RBL1: variants seen among roughly 807,000 people sequenced by gnomAD.
RBL1 encodes retinoblastoma-like protein 1.
A neutral mutation model predicts 123.0 loss-of-function variants in RBL1; 82 were observed. The ratio of observed to expected loss-of-function variants is 0.67; its 90% confidence interval spans 0.56 to 0.80. The LOEUF is 0.80. RBL1 is among the 30% of genes least tolerant of loss of function. The pLI is 0.00. For synonymous variants in RBL1, 405 were observed against 441.3 expected (o/e 0.92, Z 1.03); for missense variants, 1,171 against 1,299.6 (o/e 0.90, Z 1.52).
chr20:37,059,390 G>A (rs1164157949), intron 9 of RBL1, among the ~76,000 whole-genome samples: 2 of 152,098 alleles, frequency 1.3e-5, no homozygotes, highest in African/African-American at 4.8e-5. Flanking sequence ...CCTATTCTAG[G>A]GTTCACTATT....
At chr20:37,002,336 G>GTT (rs965408801) in intron 21 of RBL1, among the ~76,000 whole-genome samples, 1,576 of 76,262 alleles carry the variant, frequency 0.021, 41 homozygotes, top group Non-Finnish European at 0.025. Flanking sequence ...AGCCTTATCT[G>GTT]TTTTTTTTTT....
At chr20:37,075,084 CA>C (rs1266565650) in intron 2 of RBL1, among the ~76,000 whole-genome samples, 6 of 152,128 alleles carry the variant, frequency 3.9e-5, no homozygotes, top group Non-Finnish European at 7.3e-5. Flanking sequence ...ACCTTGACAC[CA>C]TTATCCTAAA....
At chr20:37,002,239 C>T (rs2063996842) in intron 21 of RBL1, among the ~76,000 whole-genome samples, 2 of 151,690 alleles carry the variant, frequency 1.3e-5, no homozygotes, top group Non-Finnish European at 2.9e-5. Flanking sequence ...CCATGTTGGC[C>T]AGGCTGGTCT....
At chr20:37,053,453 A>G (rs1243549044) in intron 11 of RBL1, among the ~76,000 whole-genome samples, 1 of 152,130 alleles carries the variant, frequency 6.6e-6, no homozygotes, top group Non-Finnish European at 1.5e-5. Context: ...TGTGTGTCCT[A>G]TGATGAAATG....
rs771287452 is a variant in RBL1 at position 37,008,832 on chromosome 20, C to T, written c.2723-1273G>A. Among the ~76,000 whole-genome samples the T allele has an allele frequency of 2.5e-4, 34 of 137,020 alleles. 1 individual carries two copies. The highest frequency in any genetic ancestry group is 6.7e-4 in the Admixed American group (9 of 13,508). 89.9% of individuals were successfully genotyped at this position (137,020 alleles called of 152,430 possible). A position where few individuals can be genotyped will look rare whatever the true frequency, so the allele number is the denominator to read the frequency against. ...TTCTGCTATTTCTAAAGGATCTTGACGAGGGTGGGAGGGGAGGGGAGCTAT... is the reference window on the plus strand; with the variant it reads ...TTCTGCTATTTCTAAAGGATCTTGATGAGGGTGGGAGGGGAGGGGAGCTAT... On this transcript the variant is annotated intron_variant, in intron 19 of 21. Coordinates refer to ENST00000373664, the MANE Select transcript of RBL1 (RefSeq NM_002895.5).
In RBL1 at chr20:37,083,479, A is replaced by C. The variant is rs558395068; in HGVS notation, c.290+5510T>G. On this transcript the variant is annotated intron_variant, in intron 2 of 21. Transcript: ENST00000373664. ...GTGAGACCCTGTCTCAAAAAACACA[A>C]ACAAAAAATAAAAAAGATAAAAACA... is the stretch of plus-strand genomic sequence containing the variant. 3.3e-4 allele frequency among the ~76,000 whole-genome samples: 46 copies of C among 141,072 alleles called. 1 individual carries two copies. In the South Asian group the frequency reaches 9.9e-3, roughly 30 times the overall value. 92.5% of individuals were successfully genotyped at this position (141,072 alleles called of 152,430 possible).
chr20:37,090,049 C>A, intron 1 of RBL1, among the ~76,000 whole-genome samples: 1 of 152,092 alleles, frequency 6.6e-6, no homozygotes, highest in African/African-American at 2.4e-5. Flanking sequence ...GACACTCTGT[C>A]ACACACACAA....
chr20:37,049,362 C>T (rs2064868271), intron 11 of RBL1: 1 of 705,406 alleles, frequency 1.4e-6, no homozygotes, highest in Non-Finnish European at 2.6e-6. Flanking sequence ...GGAAGGAATT[C>T]CTCCTGATCG....
chr20:37,066,914 G>GA (rs765085894), intron 5 of RBL1, 30 bp from the exon 6 acceptor site: 400 of 1,566,604 alleles, frequency 2.6e-4, no homozygotes, highest in Admixed American at 5.6e-4. Context: ...AGGGCAGAGG[G>GA]AAAAAAAAAT....
intron 16 of RBL1, among the ~76,000 whole-genome samples, chr20:37,032,308 C>A (rs2064525815): frequency 6.6e-6 from 1 of 151,910 alleles, no homozygotes; most frequent in Admixed American, 6.6e-5. Context: ...TTACGCTAAG[C>A]CAGTCACAAA....
In RBL1 at chr20:37,009,504, C is replaced by T. The variant is rs1015884731; in HGVS notation, c.2723-1945G>A. On this transcript the variant is annotated intron_variant, in intron 19 of 21. Coordinates refer to ENST00000373664, the MANE Select transcript of RBL1 (RefSeq NM_002895.5). ...TCCCGAGTAGCTGGGACTACAGGTG[C>T]ACGCTGCCACACCGAGCTAATTTTT... Among the ~76,000 whole-genome samples the T allele has an allele frequency of 2.6e-4, 40 of 152,120 alleles. 1 individual carries two copies. The highest frequency in any genetic ancestry group is 2.6e-3 in the Admixed American group (39 of 15,262).
At position 37,051,884 on chromosome 20, in the gene RBL1, A is replaced by C. The variant is rs6031018; in HGVS notation, c.1467+3669T>G. Among the ~76,000 whole-genome samples, 822 of 152,080 alleles carry C rather than the reference A, an allele frequency of 5.4e-3. 8 individuals are homozygous for C. Among genetic ancestry groups the C allele is most frequent in the African/African-American group, 0.019 (779 of 41,532 alleles). ...ACTACACACTGACTATAAGAAATTC[A>C]CTTCAAAGGTCACTTGAAAAAGGAT... On this transcript the variant is annotated intron_variant, in intron 11 of 21. Coordinates refer to ENST00000373664, the MANE Select transcript of RBL1 (RefSeq NM_002895.5).
intron 2 of RBL1, among the ~76,000 whole-genome samples, chr20:37,069,746 TG>T (rs546226164): frequency 0.03 from 4,362 of 143,102 alleles, 212 homozygotes; most frequent in African/African-American, 0.09. Context: ...GGGAGGGAGG[TG>T]GGGGGGGTCA....
At chr20:37,046,988 T>C in intron 12 of RBL1, 65 bp downstream of exon 12, 2 of 1,501,302 alleles carry the variant, frequency 1.3e-6, no homozygotes, top group Non-Finnish European at 1.8e-6. Flanking sequence ...AGCACTAAGA[T>C]AAATACAATG....
Position 36,998,597 on chromosome 20 carries a change from A to T in RBL1, c.*162T>A. On this transcript the variant is annotated 3_prime_UTR_variant, in exon 22 of 22. Transcript: ENST00000373664. ...AACTCAAAATACATCTCTGTCAACT[A>T]CATTTTGGATAAATATTTTAAAAAG... 1.6e-6 allele frequency: 1 copy of T among 625,670 alleles called. No individual in the cohort carries two copies. Among genetic ancestry groups the T allele is most frequent in the African/African-American group, 1.9e-5 (1 of 53,236 alleles). The allele number at this position is 625,670 out of a possible 1,614,324, so 38.8% of individuals were successfully genotyped here.
intron 15 of RBL1, among the ~76,000 whole-genome samples, chr20:37,033,486 AT>A (rs796261538): frequency 9.2e-5 from 13 of 142,014 alleles, no homozygotes; most frequent in Admixed American, 2.1e-4. Flanking sequence ...CCCGGCTTGT[AT>A]TTTTTTTTTA....
chr20:37,089,264 A>G (rs921893789), intron 1 of RBL1, 142 bp from the exon 2 acceptor site: 8 of 765,800 alleles, frequency 1.0e-5, no homozygotes, highest in Non-Finnish European at 1.3e-5. Flanking sequence ...TATTTGCCCA[A>G]GGTCACAAAG....
rs1393041185 is a variant in RBL1 at position 37,095,922 on chromosome 20, C to G, written c.7G>C (p.Glu3Gln). Residue 3 changes from glutamate (E) to glutamine (Q), a missense_variant, in exon 1 of 22, where the codon GAG becomes CAG. Transcript: ENST00000373664. MF[E>Q]DKPHAEGAAV... ...GCCCCCTCAGCGTGGGGCTTGTCCT[C>G]GAACATCCCTTCAGGCCCCGCGGGC... 6.3e-7 allele frequency: 1 copy of G among 1,586,168 alleles called. No individual in the cohort carries two copies. Among genetic ancestry groups the G allele is most frequent in the Non-Finnish European group, 8.6e-7 (1 of 1,166,534 alleles).
At chr20:37,089,261 C>G in intron 1 of RBL1, 139 bp from the exon 2 acceptor site, 1 of 795,716 alleles carries the variant, frequency 1.3e-6, no homozygotes, top group South Asian at 2.8e-5. Flanking sequence ...AGATATTTGC[C>G]CAAGGTCACA....
Sources: gnomAD v4.1 joint callset for allele counts (sites outside exome capture counted in the v4.1 genomes callset) on GRCh38, gnomAD v4.1.1 for gene constraint, MANE v1.5 for transcripts, NCBI Gene and HGNC (gene_info 2026-07-23, HGNC 2026-07-21) for gene names.